Variants in GTF2F2 observed in about 807,000 individuals in gnomAD.
The protein encoded by GTF2F2 is general transcription factor IIF subunit 2, also known as ATP-dependent helicase GTF2F2.
A neutral mutation model predicts 42.2 loss-of-function variants in GTF2F2; 23 were observed. The ratio of observed to expected loss-of-function variants is 0.55; its 90% CI spans 0.39 to 0.77. The LOEUF (loss-of-function observed/expected upper bound fraction) is 0.77, where lower values mean the gene tolerates loss of function less well. GTF2F2 is among the 30% of genes least tolerant of loss of function. GTF2F2 has a pLI of 0.00. For synonymous variants in GTF2F2, 105 were observed against 100.8 expected (o/e 1.04, Z -0.25); for missense variants, 261 against 287.2 (o/e 0.91, Z 0.66).
intron 4 of GTF2F2, among the ~76,000 whole-genome samples, chr13:45,164,607 T>G (rs1871179925): frequency 6.6e-6 from 1 of 152,046 alleles, no homozygotes; most frequent in Non-Finnish European, 1.5e-5. Flanking sequence ...ACCTGTAGTC[T>G]CAGCTATTTT....
At chr13:45,146,000 C>A (rs139349879) in intron 2 of GTF2F2, among the ~76,000 whole-genome samples, 3 of 152,182 alleles carry the variant, frequency 2.0e-5, no homozygotes, top group Admixed American at 2.0e-4. Flanking sequence ...TACTGAGCCA[C>A]TCCTTTATAG....
Position 45,247,185 on chromosome 13 carries a change from A to G in GTF2F2, c.387-5686A>G, listed in dbSNP as rs149135173. Among the ~76,000 whole-genome samples the G allele has an allele frequency of 4.5e-3, 681 of 152,014 alleles. 5 individuals carry two copies. Among genetic ancestry groups the G allele is most frequent in the Middle Eastern group, 6.8e-3 (2 of 294 alleles). On this transcript the variant is annotated intron_variant, in intron 5 of 7. Coordinates refer to ENST00000340473, the MANE Select transcript of GTF2F2 (RefSeq NM_004128.3). Reference sequence around the variant, plus strand: ...ACCAACATTGCAAAACCCTGTCTCTACTAAAAATACAAAAAATAAAATAAA... The same window carrying G: ...ACCAACATTGCAAAACCCTGTCTCTGCTAAAAATACAAAAAATAAAATAAA...
At chr13:45,268,212 T>C (rs1195052654) in intron 7 of GTF2F2, among the ~76,000 whole-genome samples, 1 of 152,154 alleles carries the variant, frequency 6.6e-6, no homozygotes, top group African/African-American at 2.4e-5. Context: ...CTTTACCATT[T>C]TGTCTACTCT....
chr13:45,172,339 T>G (rs532778185), intron 4 of GTF2F2, among the ~76,000 whole-genome samples: 2 of 152,346 alleles, frequency 1.3e-5, no homozygotes, highest in South Asian at 4.1e-4. Flanking sequence ...TTTGTGTATC[T>G]CATTTGGACA....
chr13:45,247,137 G>C (rs1470513052), intron 5 of GTF2F2, among the ~76,000 whole-genome samples: 1 of 151,954 alleles, frequency 6.6e-6, no homozygotes. Context: ...ATCACTTGAG[G>C]ACAGGAGTTC....
intron 4 of GTF2F2, among the ~76,000 whole-genome samples, chr13:45,155,536 C>G (rs1050424937): frequency 6.6e-6 from 1 of 152,164 alleles, no homozygotes; most frequent in African/African-American, 2.4e-5. Flanking sequence ...GAATTTGGCA[C>G]ACTGGGTATC....
chr13:45,204,597 A>G (rs1324991387), intron 4 of GTF2F2, among the ~76,000 whole-genome samples: 1 of 152,222 alleles, frequency 6.6e-6, no homozygotes, highest in Non-Finnish European at 1.5e-5. Flanking sequence ...TTTGAAAAAG[A>G]CAAGAAGTGT....
intron 5 of GTF2F2, among the ~76,000 whole-genome samples, chr13:45,249,719 C>T (rs1463407224): frequency 3.3e-5 from 5 of 152,132 alleles, no homozygotes; most frequent in Non-Finnish European, 5.9e-5. Context: ...AAGATCAAAT[C>T]GTGGAGATGA....
chr13:45,216,535 G>A (rs556878736), intron 5 of GTF2F2, among the ~76,000 whole-genome samples: 2 of 151,828 alleles, frequency 1.3e-5, no homozygotes, highest in East Asian at 3.9e-4. Context: ...TTTTGTTTTT[G>A]AGATAGAGTC....
chr13:45,218,651 C>CT (rs1486721821), intron 5 of GTF2F2, among the ~76,000 whole-genome samples: 2 of 152,116 alleles, frequency 1.3e-5, no homozygotes, highest in African/African-American at 2.4e-5. Context: ...AATTCTTGGT[C>CT]TTTGATTTTT....
intron 4 of GTF2F2, among the ~76,000 whole-genome samples, chr13:45,169,945 A>G (rs1326157373): frequency 1.3e-5 from 2 of 152,226 alleles, no homozygotes. Context: ...CTTCTTAAGA[A>G]CTAGGTTTTT....
intron 5 of GTF2F2, among the ~76,000 whole-genome samples, chr13:45,212,457 T>TTCTTTTCTTTTCTTTTCTTC (rs1456320438): frequency 9.5e-6 from 1 of 105,614 alleles, no homozygotes; most frequent in African/African-American, 4.0e-5. Context: ...GTTTCTTTCT[T>TTCTTTTCTTTTCTTTTCTTC]TCTTTCTTTC....
intron 4 of GTF2F2, among the ~76,000 whole-genome samples, chr13:45,200,187 C>T (rs978005139): frequency 5.3e-5 from 8 of 151,518 alleles, no homozygotes; most frequent in African/African-American, 1.5e-4. Context: ...CTATTCCCTC[C>T]GTATCACAAG....
intron 5 of GTF2F2, among the ~76,000 whole-genome samples, chr13:45,215,740 A>G (rs1391203387): frequency 1.3e-5 from 2 of 150,884 alleles, no homozygotes; most frequent in Non-Finnish European, 2.9e-5. Context: ...CTTGGGTGAC[A>G]GAGCGGGACT....
intron 6 of GTF2F2, among the ~76,000 whole-genome samples, chr13:45,256,916 G>A (rs182271877): frequency 6.6e-6 from 1 of 152,070 alleles, no homozygotes; most frequent in Admixed American, 6.5e-5. Flanking sequence ...GCAATTTTCA[G>A]AATAAAAATT....
At chr13:45,211,838 G>A (rs1221390963) in intron 5 of GTF2F2, among the ~76,000 whole-genome samples, 2 of 149,316 alleles carry the variant, frequency 1.3e-5, no homozygotes, top group African/African-American at 2.5e-5. Flanking sequence ...CGCCCACCTC[G>A]GCCTCCCAAA....
rs1877344370 is a variant in GTF2F2, at chr13:45,283,423, G to T, written c.631-19G>T. 1.3e-6 allele frequency: 2 copies of T among 1,596,566 alleles called. No homozygotes were observed. Among genetic ancestry groups the T allele is most frequent in the Non-Finnish European group, 1.7e-6 (2 of 1,170,994 alleles). On this transcript the variant is annotated intron_variant, in intron 7 of 7. Coordinates refer to ENST00000340473, the MANE Select transcript of GTF2F2 (RefSeq NM_004128.3). ...TGCATTTATAATCTCATTTGTTAGG[G>T]GTTTTGTTTTTGTTTTAGGTGTACC...
intron 4 of GTF2F2, among the ~76,000 whole-genome samples, chr13:45,158,968 T>C (rs1386252502): frequency 6.6e-6 from 1 of 152,226 alleles, no homozygotes; most frequent in African/African-American, 2.4e-5. Context: ...AAAGTGGTTT[T>C]CTTAAGACAC....
intron 5 of GTF2F2, among the ~76,000 whole-genome samples, chr13:45,208,022 G>A (rs1468418486): frequency 6.6e-6 from 1 of 152,028 alleles, no homozygotes; most frequent in East Asian, 1.9e-4. Flanking sequence ...GCTGGGCGTG[G>A]CTGAGGTGTG....
Sources: allele counts gnomAD v4.1 joint callset (sites outside exome capture counted in the v4.1 genomes callset), GRCh38; gene constraint gnomAD v4.1.1; transcripts MANE v1.5; gene names NCBI Gene and HGNC (gene_info 2026-07-23, HGNC 2026-07-21).